Variants in TBC1D32 observed in about 807,000 individuals in gnomAD.
The protein encoded by TBC1D32 is TBC1 domain family member 32, also known as protein broad-minded.
TBC1D32 carries 151 observed loss-of-function variants against 170.3 expected under a neutral mutation model. The observed-to-expected ratio is 0.89, with a 90% confidence interval of 0.78 to 1.01. The LOEUF is 1.01. TBC1D32 is among the 50% of genes least tolerant of loss of function. The probability of loss-of-function intolerance (pLI) is 0.00; values close to 1 mark genes in which losing one functional copy is unlikely to be tolerated. For synonymous variants in TBC1D32, 498 were observed against 488.0 expected, an observed-to-expected ratio of 1.02 and a Z score of -0.27; for missense variants, 1,464 against 1,457.1, an observed-to-expected ratio of 1.00 and a Z score of -0.08.
At chr6:121,198,277 T>TAC (rs1213532943) in intron 22 of TBC1D32, among the ~76,000 whole-genome samples, 40 of 128,440 alleles carry the variant, frequency 3.1e-4, no homozygotes, top group South Asian at 1.4e-3. Flanking sequence ...ATATATAATA[T>TAC]ACACACACAC....
chr6:121,236,438 G>T (rs1364177972), intron 20 of TBC1D32, among the ~76,000 whole-genome samples: 1 of 152,032 alleles, frequency 6.6e-6, no homozygotes, highest in Non-Finnish European at 1.5e-5. Flanking sequence ...ATGGACATAT[G>T]TTTCTGAAGG....
intron 17 of TBC1D32, among the ~76,000 whole-genome samples, chr6:121,249,254 T>G (rs867773818): frequency 2.6e-5 from 4 of 151,628 alleles, no homozygotes; most frequent in African/African-American, 4.8e-5. Context: ...AAGCATGTGA[T>G]AAAATCTAGC....
intron 22 of TBC1D32, among the ~76,000 whole-genome samples, chr6:121,170,095 T>C (rs1457700410): frequency 6.6e-6 from 1 of 151,930 alleles, no homozygotes; most frequent in Non-Finnish European, 1.5e-5. Context: ...TATTGAACCA[T>C]TAATAAAGTT....
At chr6:121,161,364 T>A (rs1374383911) in intron 22 of TBC1D32, among the ~76,000 whole-genome samples, 5 of 152,118 alleles carry the variant, frequency 3.3e-5, no homozygotes, top group Non-Finnish European at 7.4e-5. Flanking sequence ...AGCTTCACCC[T>A]CTAACAGGCC....
chr6:121,310,422 A>C (rs1268818615), intron 4 of TBC1D32, among the ~76,000 whole-genome samples: 1 of 152,152 alleles, frequency 6.6e-6, no homozygotes, highest in Non-Finnish European at 1.5e-5. Context: ...CATTTTCTGA[A>C]AGTAAAAAAA....
intron 22 of TBC1D32, among the ~76,000 whole-genome samples, chr6:121,203,446 TGA>T (rs1480604406): frequency 1.3e-5 from 2 of 151,202 alleles, no homozygotes; most frequent in Non-Finnish European, 2.9e-5. Context: ...TTATGACTAC[TGA>T]GATACCGAAA....
intron 1 of TBC1D32, among the ~76,000 whole-genome samples, chr6:121,323,790 A>C (rs1810086766): frequency 6.6e-6 from 1 of 152,102 alleles, no homozygotes; most frequent in African/African-American, 2.4e-5. Flanking sequence ...AAATACAAAA[A>C]TTAGCTGGGC....
At chr6:121,271,386 C>T (rs1214984186) in intron 15 of TBC1D32, among the ~76,000 whole-genome samples, 2 of 152,148 alleles carry the variant, frequency 1.3e-5, no homozygotes, top group Non-Finnish European at 2.9e-5. Context: ...CCCAAAATCT[C>T]CTTAAGCTGA....
chr6:121,227,552 T>C (rs956373261), intron 20 of TBC1D32, among the ~76,000 whole-genome samples: 2 of 151,766 alleles, frequency 1.3e-5, no homozygotes, highest in Non-Finnish European at 2.9e-5. Flanking sequence ...AAAATGTTTC[T>C]ACATATGTTG....
chr6:121,148,778 G>A (rs112812377), intron 24 of TBC1D32, among the ~76,000 whole-genome samples: 2,445 of 152,012 alleles, frequency 0.016, 75 homozygotes, highest in African/African-American at 0.053. Flanking sequence ...CATGCCCAGC[G>A]AATGTTTGGA....
intron 12 of TBC1D32, among the ~76,000 whole-genome samples, chr6:121,288,643 A>T (rs1020618792): frequency 3.9e-5 from 6 of 152,170 alleles, no homozygotes; most frequent in African/African-American, 1.4e-4. Flanking sequence ...ATCCTCTCTA[A>T]CTCATTTTAT....
intron 26 of TBC1D32, chr6:121,115,557 C>T (rs754388957): frequency 5.1e-5 from 10 of 196,038 alleles, no homozygotes; most frequent in African/African-American, 7.0e-5. Context: ...TCTAGAAATA[C>T]TACTTTCATC....
intron 9 of TBC1D32, among the ~76,000 whole-genome samples, chr6:121,303,300 A>G (rs1806757458): frequency 6.6e-6 from 1 of 152,152 alleles, no homozygotes; most frequent in Admixed American, 6.6e-5. Flanking sequence ...TGAAGCTTTC[A>G]CATTAAAGAA....
chr6:121,099,362 T>C (rs960284679), intron 30 of TBC1D32, among the ~76,000 whole-genome samples: 1 of 151,938 alleles, frequency 6.6e-6, no homozygotes, highest in African/African-American at 2.4e-5. Flanking sequence ...AAAAATAATA[T>C]ATATTCAAAT....
chr6:121,144,636 A>C (rs1783188356), intron 24 of TBC1D32, among the ~76,000 whole-genome samples: 1 of 152,154 alleles, frequency 6.6e-6, no homozygotes, highest in African/African-American at 2.4e-5. Flanking sequence ...TGATATATAT[A>C]TTCAACTTAC....
At chr6:121,179,355 A>AG (rs1175226722) in intron 22 of TBC1D32, among the ~76,000 whole-genome samples, 1 of 151,382 alleles carries the variant, frequency 6.6e-6, no homozygotes, top group Non-Finnish European at 1.5e-5. Context: ...TAAAAAAAAA[A>AG]GTACCAAAAA....
intron 24 of TBC1D32, among the ~76,000 whole-genome samples, chr6:121,134,301 T>G (rs1781774485): frequency 1.3e-5 from 2 of 152,138 alleles, no homozygotes; most frequent in African/African-American, 2.4e-5. Context: ...ATAGGCTATC[T>G]GTTATTTATA....
chr6:121,189,285 G>A (rs1789605409), intron 22 of TBC1D32, among the ~76,000 whole-genome samples: 2 of 151,944 alleles, frequency 1.3e-5, no homozygotes, highest in Admixed American at 6.6e-5. Context: ...GAACTTCAGG[G>A]CAAAGAATTA....
At chr6:121,263,787 C>T (rs999587510) in intron 15 of TBC1D32, among the ~76,000 whole-genome samples, 29 of 151,904 alleles carry the variant, frequency 1.9e-4, no homozygotes, top group Non-Finnish European at 8.8e-5. Flanking sequence ...AGAAACTCAC[C>T]CAAAACCACA....
Sources: gnomAD v4.1 joint callset for allele counts (sites outside exome capture counted in the v4.1 genomes callset) on GRCh38, gnomAD v4.1.1 for gene constraint, MANE v1.5 for transcripts, NCBI Gene and HGNC (gene_info 2026-07-23, HGNC 2026-07-21) for gene names.